The following ACKR3 variants were observed in gnomAD, a reference collection of about 807,000 sequenced individuals.
The protein encoded by ACKR3 is atypical chemokine receptor 3, also known as C-X-C chemokine receptor type 7.
A neutral mutation model predicts 22.4 loss-of-function variants in ACKR3; 6 were observed. The observed-to-expected ratio is 0.27, with a 90% confidence interval of 0.15 to 0.53. The LOEUF is 0.53. ACKR3 is among the 20% of genes least tolerant of loss of function. ACKR3 has a pLI of 0.96. For synonymous variants in ACKR3, 209 were observed against 205.2 expected (o/e 1.02, Z -0.16); for missense variants, 396 against 475.2 (o/e 0.83, Z 1.55).
chr2:236,539,745 C>T, the ACKR3 span, among the ~76,000 whole-genome samples: 1 of 152,150 alleles, frequency 6.6e-6, no homozygotes, highest in Non-Finnish European at 1.5e-5. Context: ...CTAATAAAGA[C>T]ATTTCTGAGA....
intron 1 of ACKR3, among the ~76,000 whole-genome samples, chr2:236,576,097 C>T (rs761121239): frequency 2.6e-5 from 4 of 152,136 alleles, no homozygotes; most frequent in Admixed American, 6.5e-5. Context: ...GCCCTAGAGA[C>T]GCAGGCAGTG....
chr2:236,550,267 G>A, the ACKR3 span, among the ~76,000 whole-genome samples: 36 of 152,350 alleles, frequency 2.4e-4, no homozygotes, highest in African/African-American at 8.7e-4. The surrounding 1 kb of genome is among the most constrained non-coding windows in gnomAD (Gnocchi z 4.6). Flanking sequence ...GACACGTAAT[G>A]TGGCAGTATG....
At chr2:236,572,365 T>G (rs1157130873) in intron 1 of ACKR3, among the ~76,000 whole-genome samples, 1 of 152,206 alleles carries the variant, frequency 6.6e-6, no homozygotes, top group East Asian at 1.9e-4. Context: ...GGGCCGAGAC[T>G]ATCTCAGGTG....
chr2:236,556,323 C>A, the ACKR3 span, among the ~76,000 whole-genome samples: 1 of 152,066 alleles, frequency 6.6e-6, no homozygotes, highest in African/African-American at 2.4e-5. Flanking sequence ...GAATAAGAGC[C>A]CCCAGAGAGG....
chr2:236,579,900 G>T (rs1181776378), intron 1 of ACKR3, among the ~76,000 whole-genome samples: 1 of 152,224 alleles, frequency 6.6e-6, no homozygotes, highest in African/African-American at 2.4e-5. Flanking sequence ...CAAGTAAAAA[G>T]TGCTGAGTCA....
chr2:236,540,879 C>T, the ACKR3 span, among the ~76,000 whole-genome samples: 2 of 152,190 alleles, frequency 1.3e-5, no homozygotes, highest in Non-Finnish European at 2.9e-5. Flanking sequence ...AGCACACAGT[C>T]GTGATTATTG....
chr2:236,563,884 G>A (rs1195002681), upstream of ACKR3, among the ~76,000 whole-genome samples: 1 of 152,172 alleles, frequency 6.6e-6, no homozygotes, highest in African/African-American at 2.4e-5. Context: ...GTATCTGAGG[G>A]GCTGCACCCT....
At chr2:236,548,644 CTG>C in the ACKR3 span, among the ~76,000 whole-genome samples, 2 of 152,190 alleles carry the variant, frequency 1.3e-5, no homozygotes, top group Non-Finnish European at 2.9e-5. This position sits in a 1 kb window ranked among gnomAD's most constrained non-coding sequence, Gnocchi z 4.3. Context: ...AGCAAGGACA[CTG>C]TAAACCTTAC....
the ACKR3 span, among the ~76,000 whole-genome samples, chr2:236,550,383 A>C: frequency 6.6e-6 from 1 of 152,254 alleles, no homozygotes; most frequent in Admixed American, 6.5e-5. The surrounding 1 kb of genome is among the most constrained non-coding windows in gnomAD (Gnocchi z 4.6). Context: ...TGGCAAAAGA[A>C]AACCTTTCAG....
intron 1 of ACKR3, among the ~76,000 whole-genome samples, chr2:236,579,897 A>G (rs1433199333): frequency 6.6e-6 from 1 of 152,206 alleles, no homozygotes; most frequent in African/African-American, 2.4e-5. Context: ...AGACAAGTAA[A>G]AAGTGCTGAG....
the ACKR3 span, among the ~76,000 whole-genome samples, chr2:236,542,061 A>C: frequency 6.6e-6 from 1 of 152,214 alleles, no homozygotes; most frequent in Non-Finnish European, 1.5e-5. Flanking sequence ...GGATGCCACC[A>C]TAATGCTCTG....
intron 1 of ACKR3, among the ~76,000 whole-genome samples, chr2:236,578,470 C>T (rs576242591): frequency 8.5e-5 from 13 of 152,306 alleles, no homozygotes; most frequent in Admixed American, 2.6e-4. Flanking sequence ...GCAGGACCAG[C>T]GTGGTTCCCT....
chr2:236,572,750 C>G (rs778158062), intron 1 of ACKR3, among the ~76,000 whole-genome samples: 3 of 152,120 alleles, frequency 2.0e-5, no homozygotes, highest in African/African-American at 4.8e-5. Context: ...GCTTCCCTGT[C>G]GGGCAGCTGA....
Position 236,574,234 on chromosome 2 carries a change from G to A in ACKR3, c.-27+4310G>A, listed in dbSNP as rs978457618. Among the ~76,000 whole-genome samples, 3 of 152,118 alleles carry A rather than the reference G, an allele frequency of 2.0e-5. No individual in the cohort carries two copies. The highest frequency in any genetic ancestry group is 1.9e-4 in the East Asian group (1 of 5,194). ...GATTTCAGAAAAGTCTCTCCTGGAC[G>A]CCCGTCTCCGCTGCTGGCCACAGTC... is the stretch of plus-strand genomic sequence containing the variant. On this transcript the variant is annotated intron_variant, in intron 1 of 1. Coordinates refer to ENST00000272928, the MANE Select transcript of ACKR3 (RefSeq NM_020311.3). The surrounding 1 kb of genome is among the most constrained non-coding windows in gnomAD (Gnocchi z 5.6).
the ACKR3 span, among the ~76,000 whole-genome samples, chr2:236,544,223 T>C: frequency 6.6e-6 from 1 of 151,624 alleles, no homozygotes; most frequent in African/African-American, 2.4e-5. This position sits in a 1 kb window ranked among gnomAD's most constrained non-coding sequence, Gnocchi z 5.0. Flanking sequence ...CTCTTGACCT[T>C]GTGATCTGCC....
chr2:236,556,628 C>A, the ACKR3 span, among the ~76,000 whole-genome samples: 1 of 152,328 alleles, frequency 6.6e-6, no homozygotes, highest in East Asian at 1.9e-4. Flanking sequence ...GAAGGCAGCC[C>A]TGCTGGCACA....
At chr2:236,568,741 C>G (rs1044054568), upstream of ACKR3, among the ~76,000 whole-genome samples, 2 of 152,254 alleles carry the variant, frequency 1.3e-5, no homozygotes, top group African/African-American at 4.8e-5. Context: ...TCCCAGTCCC[C>G]CAGATTCAGC....
At chr2:236,551,960 C>A in the ACKR3 span, among the ~76,000 whole-genome samples, 14 of 152,298 alleles carry the variant, frequency 9.2e-5, no homozygotes, top group East Asian at 2.7e-3. Flanking sequence ...CCTGCTTGTC[C>A]TTCCCCTCCT....
chr2:236,542,003 G>A, the ACKR3 span, among the ~76,000 whole-genome samples: 1 of 152,060 alleles, frequency 6.6e-6, no homozygotes, highest in Non-Finnish European at 1.5e-5. Context: ...TTTATTAGCA[G>A]CATGAGAACG....
Sources: allele counts gnomAD v4.1 joint callset (sites outside exome capture counted in the v4.1 genomes callset), GRCh38; gene constraint gnomAD v4.1.1; non-coding constraint Gnocchi (gnomAD v3.1); transcripts MANE v1.5; gene names NCBI Gene and HGNC (gene_info 2026-07-23, HGNC 2026-07-21).